USP39: variants seen among roughly 807,000 people sequenced by gnomAD.
USP39 encodes the protein ubiquitin specific peptidase 39, also known as ubiquitin carboxyl-terminal hydrolase 39.
Under a neutral mutation model 66.4 loss-of-function variants are expected in USP39, and 38 were observed. That is an observed-to-expected ratio of 0.57 (90% CI 0.44 to 0.75). The LOEUF (loss-of-function observed/expected upper bound fraction) is 0.75. USP39 is among the 30% of genes least tolerant of loss of function. USP39 has a pLI of 0.00. For synonymous variants in USP39, 303 were observed against 274.6 expected (o/e 1.10, Z -1.02); for missense variants, 608 against 714.4 (o/e 0.85, Z 1.70).
chr2:85,605,187 T>C (rs1316929860), intron 1 of USP39, among the ~76,000 whole-genome samples: 1 of 151,506 alleles, frequency 6.6e-6, no homozygotes, highest in East Asian at 1.9e-4. Flanking sequence ...GGAATGACTT[T>C]AGGGCAGGTA....
chr2:85,617,066 A>T (rs1201167787), intron 1 of USP39, among the ~76,000 whole-genome samples: 1 of 151,318 alleles, frequency 6.6e-6, no homozygotes, highest in African/African-American at 2.4e-5. Flanking sequence ...GTGGGGGCTC[A>T]GTGCTGATTT....
upstream of USP39, chr2:85,611,270 A>G: frequency 7.1e-7 from 1 of 1,407,234 alleles, no homozygotes; most frequent in Non-Finnish European, 9.2e-7. Context: ...TCATATATTA[A>G]CCAGTGTGAT....
intron 2 of USP39, among the ~76,000 whole-genome samples, chr2:85,619,654 T>C (rs1317692508): frequency 6.6e-6 from 1 of 151,712 alleles, no homozygotes; most frequent in South Asian, 2.1e-4. Context: ...TACCTCATCA[T>C]AGCATTCTTT....
chr2:85,617,888 G>A (rs185579623), intron 1 of USP39, among the ~76,000 whole-genome samples: 8 of 151,970 alleles, frequency 5.3e-5, no homozygotes, highest in Admixed American at 2.6e-4. Flanking sequence ...GTTAGCTTGC[G>A]AGTAGGGTAA....
At chr2:85,624,189 A>T (rs1220227213) in intron 4 of USP39, among the ~76,000 whole-genome samples, 1 of 151,910 alleles carries the variant, frequency 6.6e-6, no homozygotes, top group African/African-American at 2.4e-5. Flanking sequence ...AGCCACAGAT[A>T]TCTTATCTGT....
At chr2:85,612,662 CT>C (rs11458377), upstream of USP39, among the ~76,000 whole-genome samples, 9 of 149,430 alleles carry the variant, frequency 6.0e-5, no homozygotes, top group African/African-American at 7.4e-5. Flanking sequence ...TTTATTTTTC[CT>C]TTTTTTTTTC....
chr2:85,612,474 A>C, upstream of USP39: 2 of 1,130,376 alleles, frequency 1.8e-6, no homozygotes. Flanking sequence ...ACCTACCTCA[A>C]ATGGATTGTG....
intron 11 of USP39, among the ~76,000 whole-genome samples, chr2:85,646,783 C>T (rs1436841598): frequency 5.3e-5 from 8 of 151,456 alleles, no homozygotes; most frequent in African/African-American, 1.9e-4. Context: ...AAGTGAGATA[C>T]GTTTTGCTGT....
In USP39 at chr2:85,630,859, C is replaced by T. The variant is rs748592767; in HGVS notation, c.862C>T (p.Arg288Ter). The change falls in exon 6 of 13, where the codon CGA becomes TGA. Residue 288 changes from arginine to a stop codon, truncating the protein, a stop_gained. Coordinates refer to ENST00000323701, the MANE Select transcript of USP39 (RefSeq NM_006590.4). LOFTEE classifies it high-confidence loss of function. ...GCTGATGAGAAAGCTCTGGAACCCTCGAAATTTCAAGGCACATGTGTCTCC... is the reference window on the plus strand; with the variant it reads ...GCTGATGAGAAAGCTCTGGAACCCTTGAAATTTCAAGGCACATGTGTCTCC... ...GELMRKLWNP[R>*]NFKAHVSPHE... 29 of 1,614,136 alleles carry T rather than the reference C, an allele frequency of 1.8e-5. No homozygotes were observed. The highest frequency in any genetic ancestry group is 2.4e-5 in the Non-Finnish European group (28 of 1,180,022).
In USP39 at chr2:85,623,328, A is replaced by G. The variant is rs1054639663; in HGVS notation, c.434-318A>G. On this transcript the variant is annotated intron_variant, in intron 3 of 12. Transcript: ENST00000323701. ...CATGTATATAGGAAACTATGTATGA[A>G]TATATAGTTATATGTATTATATATA... is the stretch of plus-strand genomic sequence containing the variant. Among the ~76,000 whole-genome samples, 4 of 150,162 alleles carry G rather than the reference A, an allele frequency of 2.7e-5. No individual in the cohort carries two copies. In the East Asian group the frequency reaches 7.8e-4, roughly 29 times the overall value.
Position 85,602,997 on chromosome 2 carries a change from C to T in USP39, n.142C>T, listed in dbSNP as rs1266472039. The T allele has an allele frequency of 7.8e-6, 1 of 128,164 alleles. No homozygotes were observed. The highest frequency in any genetic ancestry group is 2.9e-5 in the African/African-American group (1 of 34,186). 7.9% of individuals were successfully genotyped at this position (128,164 alleles called of 1,614,324 possible). The stretch of plus-strand genomic sequence containing the variant: ...GATCTCGGGGCAGCCTGCATTCCAG[C>T]TCTACCTGGGATTGTCGCCGTGCAC... On this transcript the variant is annotated non_coding_transcript_exon_variant, in exon 1 of 13. Coordinates refer to the USP39 transcript ENST00000459775. The surrounding 1 kb of genome is among the most constrained non-coding windows in gnomAD (Gnocchi z 5.6).
At chr2:85,618,085 G>T (rs1010109422) in intron 1 of USP39, among the ~76,000 whole-genome samples, 2 of 151,902 alleles carry the variant, frequency 1.3e-5, no homozygotes, top group African/African-American at 4.8e-5. Context: ...TCCCAAGTAG[G>T]CTGGGATTAC....
upstream of USP39, chr2:85,611,738 C>T (rs750058637): frequency 3.7e-6 from 6 of 1,610,382 alleles, no homozygotes; most frequent in South Asian, 6.6e-5. Flanking sequence ...TGTGCCGCCT[C>T]CTCACCTTCT....
At chr2:85,629,497 C>T (rs7564769) in intron 5 of USP39, among the ~76,000 whole-genome samples, 11,426 of 148,844 alleles carry the variant, frequency 0.077, 1,456 homozygotes, top group African/African-American at 0.26. Flanking sequence ...TTTTCTCTTT[C>T]TCTTTTTTTT....
chr2:85,643,694 C>T (rs1676427087), intron 10 of USP39, among the ~76,000 whole-genome samples: 1 of 148,840 alleles, frequency 6.7e-6, no homozygotes, highest in African/African-American at 2.5e-5. Context: ...GTTGCCCAGG[C>T]TGGAGTGCGG....
intron 1 of USP39, among the ~76,000 whole-genome samples, chr2:85,603,592 T>C (rs1260302218): frequency 2.6e-5 from 4 of 151,616 alleles, no homozygotes; most frequent in African/African-American, 4.9e-5. Flanking sequence ...ACTTTTTCTT[T>C]TTCTTTTTTT....
intron 2 of USP39, 111 bp from the exon 3 acceptor site, chr2:85,621,374 G>T: frequency 1.1e-6 from 1 of 874,074 alleles, no homozygotes; most frequent in Non-Finnish European, 1.8e-6. Context: ...GTTGTGAACT[G>T]TTTTCTGAAG....
intron 2 of USP39, among the ~76,000 whole-genome samples, chr2:85,619,845 C>A (rs1430401072): frequency 1.3e-5 from 2 of 151,786 alleles, no homozygotes; most frequent in Admixed American, 6.6e-5. Context: ...GCCTGGTCAA[C>A]ATAATGAGAC....
At chr2:85,615,256 G>C (rs1322250493), upstream of USP39, among the ~76,000 whole-genome samples, 1 of 152,164 alleles carries the variant, frequency 6.6e-6, no homozygotes, top group South Asian at 2.1e-4. Context: ...CTGACCTCAG[G>C]TGATCCGCCC....
Sources: gnomAD v4.1 joint callset for allele counts (sites outside exome capture counted in the v4.1 genomes callset) on GRCh38, gnomAD v4.1.1 for gene constraint, Gnocchi (gnomAD v3.1) non-coding constraint, MANE v1.5 for transcripts, NCBI Gene and HGNC (gene_info 2026-07-23, HGNC 2026-07-21) for gene names.